APBA2: variants seen among roughly 807,000 people sequenced by gnomAD.
APBA2 encodes amyloid beta precursor protein binding family A member 2.
Under a neutral mutation model 75.0 loss-of-function variants are expected in APBA2, and 30 were observed. That is an observed-to-expected ratio of 0.40 (90% CI 0.30 to 0.54). The LOEUF (loss-of-function observed/expected upper bound fraction) is 0.54. APBA2 is among the 20% of genes least tolerant of loss of function. APBA2 has a pLI of 0.49. For missense variants in APBA2, 801 were observed against 1,016.1 expected, an observed-to-expected ratio of 0.79 and a Z score of 2.88; for synonymous variants, 444 against 409.6, an observed-to-expected ratio of 1.08 and a Z score of -1.01.
At chr15:29,070,914 C>T (rs1258476023) in intron 4 of APBA2, 9 of 339,802 alleles carry the variant, frequency 2.6e-5, no homozygotes, top group Admixed American at 2.1e-4. Context: ...CGGAGTCATT[C>T]GTCCGCCCAG....
Position 29,000,490 on chromosome 15 carries a change from C to T in APBA2, c.-41+4684C>T, listed in dbSNP as rs186315032. Among the ~76,000 whole-genome samples the T allele has an allele frequency of 1.4e-3, 220 of 152,312 alleles. 4 individuals carry two copies. In the South Asian group the frequency reaches 0.034, roughly 24 times the overall value. On this transcript the variant is annotated intron_variant, in intron 3 of 14. Coordinates refer to ENST00000683413, the MANE Select transcript of APBA2 (RefSeq NM_001353788.2). ...GTGCTGTGGGTCCCTCTGATGCAGC[C>T]GTCTTGCTCCCGTCTTGCTGGTTCA...
intron 2 of APBA2, among the ~76,000 whole-genome samples, chr15:28,945,877 T>TAC (rs1294443313): frequency 6.6e-6 from 1 of 152,162 alleles, no homozygotes; most frequent in Non-Finnish European, 1.5e-5. Context: ...ATCCTGTGTT[T>TAC]ACAGCCGTCT....
chr15:28,989,023 G>A (rs537905460), intron 2 of APBA2, among the ~76,000 whole-genome samples: 2 of 152,166 alleles, frequency 1.3e-5, no homozygotes, highest in South Asian at 4.2e-4. Context: ...GTATTAATTT[G>A]CATTTCCCTG....
chr15:28,981,147 T>C (rs745930051), intron 2 of APBA2, among the ~76,000 whole-genome samples: 2 of 152,080 alleles, frequency 1.3e-5, no homozygotes, highest in African/African-American at 2.4e-5. Flanking sequence ...CAAAAGCAAT[T>C]GCAACAAAAA....
At chr15:29,080,566 A>G (rs2043043157) in intron 6 of APBA2, among the ~76,000 whole-genome samples, 1 of 152,116 alleles carries the variant, frequency 6.6e-6, no homozygotes, top group African/African-American at 2.4e-5. Flanking sequence ...CGCTGCAGAG[A>G]AAACCTCCTT....
intron 2 of APBA2, among the ~76,000 whole-genome samples, chr15:28,984,353 G>A (rs1334440579): frequency 6.6e-6 from 1 of 152,232 alleles, no homozygotes. Flanking sequence ...GCAACCCCAT[G>A]ACATAGGCTT....
chr15:28,892,372 GC>G (rs1362784385), intron 1 of APBA2, among the ~76,000 whole-genome samples: 1 of 152,196 alleles, frequency 6.6e-6, no homozygotes, highest in Non-Finnish European at 1.5e-5. Flanking sequence ...ACCACGCCTG[GC>G]CCATGTTTTA....
At position 28,931,556 on chromosome 15, in the gene APBA2, C is replaced by T. The variant is rs534336631; in HGVS notation, c.-95+9807C>T. Among the ~76,000 whole-genome samples, 100 of 152,290 alleles carry T rather than the reference C, an allele frequency of 6.6e-4. 1 individual carries two copies. Among genetic ancestry groups the T allele is most frequent in the African/African-American group, 2.3e-3 (97 of 41,558 alleles). On this transcript the variant is annotated intron_variant, in intron 2 of 14. Coordinates refer to ENST00000683413, the MANE Select transcript of APBA2 (RefSeq NM_001353788.2). ...ATCCACTGCCCTTTTAGCAAGGCAG[C>T]GCTGCTCCATAGGGTCCAGCCGGGG...
At chr15:28,969,636 C>T (rs1012648300) in intron 2 of APBA2, among the ~76,000 whole-genome samples, 45 of 152,260 alleles carry the variant, frequency 3.0e-4, no homozygotes, top group Admixed American at 1.5e-3. Context: ...CCCGACCCCT[C>T]GGCCGAGCAG....
chr15:28,945,826 AG>A (rs1243984290), intron 2 of APBA2, among the ~76,000 whole-genome samples: 1 of 152,114 alleles, frequency 6.6e-6, no homozygotes, highest in African/African-American at 2.4e-5. Flanking sequence ...TGCTGTTCCC[AG>A]GAAGATTGAT....
intron 4 of APBA2, chr15:29,070,806 AG>A (rs1403056957): frequency 1.4e-5 from 4 of 287,336 alleles, no homozygotes; most frequent in African/African-American, 6.7e-5. Context: ...AGCTGGGTGG[AG>A]GAAGAAGTCC....
intron 2 of APBA2, among the ~76,000 whole-genome samples, chr15:28,963,441 A>G (rs1330476114): frequency 6.6e-6 from 1 of 152,160 alleles, no homozygotes; most frequent in Non-Finnish European, 1.5e-5. Flanking sequence ...CACCCACCTG[A>G]AAGATGAGAA....
At chr15:28,986,121 G>A (rs1253712410) in intron 2 of APBA2, among the ~76,000 whole-genome samples, 3 of 152,176 alleles carry the variant, frequency 2.0e-5, no homozygotes, top group African/African-American at 4.8e-5. Flanking sequence ...TACAATTCCC[G>A]GCGGCTCTCC....
intron 10 of APBA2, among the ~76,000 whole-genome samples, chr15:29,104,495 A>G (rs1263332578): frequency 6.6e-6 from 1 of 152,238 alleles, no homozygotes; most frequent in African/African-American, 2.4e-5. Context: ...GTGCTGTTTC[A>G]GTGTCCAGGC....
At chr15:29,015,478 C>T (rs569366010) in intron 3 of APBA2, among the ~76,000 whole-genome samples, 91 of 152,282 alleles carry the variant, frequency 6.0e-4, no homozygotes, top group African/African-American at 1.8e-3. Flanking sequence ...TGCTGTCCCC[C>T]AGGAGCCACA....
intron 2 of APBA2, among the ~76,000 whole-genome samples, chr15:28,951,498 A>G (rs1299719129): frequency 6.6e-6 from 1 of 152,212 alleles, no homozygotes; most frequent in African/African-American, 2.4e-5. Context: ...ACCGAGGTAC[A>G]TTGCTTCCAG....
intron 2 of APBA2, among the ~76,000 whole-genome samples, chr15:28,936,909 C>T (rs572604175): frequency 1.3e-5 from 2 of 152,302 alleles, no homozygotes; most frequent in Admixed American, 6.5e-5. Context: ...CAGATGGTGG[C>T]CTCTACCGGG....
chr15:28,928,972 T>G (rs569546554), intron 2 of APBA2, among the ~76,000 whole-genome samples: 22 of 152,288 alleles, frequency 1.4e-4, no homozygotes, highest in African/African-American at 5.3e-4. Context: ...GATTTGGCTG[T>G]GTCTCTAGAT....
At chr15:29,063,378 T>C (rs2042230698) in intron 4 of APBA2, among the ~76,000 whole-genome samples, 1 of 124,494 alleles carries the variant, frequency 8.0e-6, no homozygotes, top group African/African-American at 3.0e-5. Flanking sequence ...GGTCAGTGTC[T>C]GTATGGGTGG....
Sources: allele counts gnomAD v4.1 joint callset (sites outside exome capture counted in the v4.1 genomes callset), GRCh38; gene constraint gnomAD v4.1.1; transcripts MANE v1.5; gene names NCBI Gene and HGNC (gene_info 2026-07-23, HGNC 2026-07-21).